ANKRD13B: variants seen among roughly 807,000 people sequenced by gnomAD.
ANKRD13B encodes ankyrin repeat domain 13B.
A neutral mutation model predicts 74.4 loss-of-function variants in ANKRD13B; 33 were observed. The ratio of observed to expected loss-of-function variants is 0.44; its 90% confidence interval spans 0.34 to 0.59. ANKRD13B has a LOEUF of 0.59. ANKRD13B is among the 20% of genes least tolerant of loss of function. The pLI, the probability that ANKRD13B is intolerant of heterozygous loss-of-function variation, is 0.02. For missense variants in ANKRD13B, 676 were observed against 877.9 expected, an observed-to-expected ratio of 0.77 and a Z score of 2.91; for synonymous variants, 341 against 362.9, an observed-to-expected ratio of 0.94 and a Z score of 0.68.
intron 1 of ANKRD13B, among the ~76,000 whole-genome samples, chr17:29,606,514 C>T (rs970364856): frequency 1.3e-4 from 20 of 151,676 alleles, no homozygotes; most frequent in Non-Finnish European, 2.2e-4. Flanking sequence ...GCCAAGATGG[C>T]ACCACTGCAC....
rs1397749335 is a variant in ANKRD13B at position 29,593,627 on chromosome 17, C to T, written c.6C>T (p.Ile2=). The change falls in exon 1 of 15, where the codon ATC becomes ATT. Residue 2 remains isoleucine (I), a synonymous_variant. Coordinates refer to ENST00000394859, the MANE Select transcript of ANKRD13B (RefSeq NM_152345.5). ...CCCGGCATGAGGAGCGGGCGATGAT[C>T]CCCGCCAACGCCTCCGCCAGGAAGG... The part of the protein sequence containing the change: M[I]PANASARKGP... The T allele has an allele frequency of 2.9e-6, 4 of 1,367,422 alleles. No homozygotes were observed. Among genetic ancestry groups the T allele is most frequent in the East Asian group, 6.6e-5 (2 of 30,388 alleles). The allele number at this position is 1,367,422 out of a possible 1,614,324, so 84.7% of individuals were successfully genotyped here.
chr17:29,595,492 GGA>G (rs2033921513), intron 1 of ANKRD13B, among the ~76,000 whole-genome samples: 1 of 152,184 alleles, frequency 6.6e-6, no homozygotes, highest in Non-Finnish European at 1.5e-5. Flanking sequence ...GAATGCCCTG[GGA>G]GAAAAGACTT....
At chr17:29,594,223 C>T (rs2033873170) in intron 1 of ANKRD13B, among the ~76,000 whole-genome samples, 1 of 152,230 alleles carries the variant, frequency 6.6e-6, no homozygotes, top group African/African-American at 2.4e-5. Context: ...AGCTCTCAAA[C>T]TGGGCAGATC....
chr17:29,600,127 C>T (rs939798467), intron 1 of ANKRD13B, among the ~76,000 whole-genome samples: 3 of 152,166 alleles, frequency 2.0e-5, no homozygotes, highest in Non-Finnish European at 2.9e-5. Flanking sequence ...CCGCCCACCT[C>T]GGCCTCCCAA....
At chr17:29,610,064 C>T (rs1208217108) in intron 7 of ANKRD13B, among the ~76,000 whole-genome samples, 1 of 151,844 alleles carries the variant, frequency 6.6e-6, no homozygotes, top group Non-Finnish European at 1.5e-5. Flanking sequence ...TGGTAGCAGG[C>T]GCCTGTAATC....
rs147738152 is a variant in ANKRD13B at position 29,599,858 on chromosome 17, C to G, written c.114+6123C>G. 7.3e-3 allele frequency among the ~76,000 whole-genome samples: 743 copies of G among 101,838 alleles called. 7 individuals are homozygous for G. Among genetic ancestry groups the G allele is most frequent in the African/African-American group, 0.028 (702 of 25,500 alleles). 66.8% of individuals were successfully genotyped at this position (101,838 alleles called of 152,430 possible). A position where few individuals can be genotyped will look rare whatever the true frequency, so the allele number is the denominator to read the frequency against. ...AGAATTTCCTCTGGGTTCTTAGCAT[C>G]TAATTTGTTTTTTTTTTTTTTTTTT... is the stretch of plus-strand genomic sequence containing the variant. On this transcript the variant is annotated intron_variant, in intron 1 of 14. Coordinates refer to ENST00000394859, the MANE Select transcript of ANKRD13B (RefSeq NM_152345.5).
chr17:29,602,657 C>A (rs1315741290), intron 1 of ANKRD13B, among the ~76,000 whole-genome samples: 2 of 152,110 alleles, frequency 1.3e-5, no homozygotes, highest in Non-Finnish European at 2.9e-5. Context: ...CCTGGGTGAT[C>A]CAGGATTATT....
chr17:29,608,271 C>T lies in ANKRD13B; in HGVS notation c.421+31C>T. ...CGGGCTGCAGCAGGTCGCTTCTGGGCTCTCCCACTTTAGGTCCTGCGCTTG... is the reference window on the plus strand; with the variant it reads ...CGGGCTGCAGCAGGTCGCTTCTGGGTTCTCCCACTTTAGGTCCTGCGCTTG... On this transcript the variant is annotated intron_variant, in intron 4 of 14. Transcript: ENST00000394859. The surrounding 1 kb of genome is among the most constrained non-coding windows in gnomAD (Gnocchi z 6.4). 1 of 1,613,708 alleles carries T rather than the reference C, an allele frequency of 6.2e-7. No homozygotes were observed. The highest frequency in any genetic ancestry group is 8.5e-7 in the Non-Finnish European group (1 of 1,179,832).
rs1262905198 is a variant in ANKRD13B, at chr17:29,593,684, C to A, written c.63C>A (p.Leu21=). The A allele has an allele frequency of 2.8e-6, 4 of 1,446,006 alleles. No individual in the cohort carries two copies. The highest frequency in any genetic ancestry group is 3.7e-6 in the Non-Finnish European group (4 of 1,091,230). 89.6% of individuals were successfully genotyped at this position (1,446,006 alleles called of 1,614,324 possible). A position where few individuals can be genotyped will look rare whatever the true frequency, so the allele number is the denominator to read the frequency against. The stretch of plus-strand genomic sequence containing the variant: ...AGGGCAAGTATCCGCTGCACTACCT[C>A]GTGTGGCACAACCGCCACCGCGAGC... The part of the protein sequence containing the change: ...GPEGKYPLHY[L]VWHNRHRELE... The change falls in exon 1 of 15, where the codon CTC becomes CTA. Residue 21 remains leucine, a synonymous_variant. Coordinates refer to ENST00000394859, the MANE Select transcript of ANKRD13B (RefSeq NM_152345.5).
chr17:29,608,956 GGCAGCGAGGGAACC>G lies in ANKRD13B; in HGVS notation c.533_546del (p.Arg178LeufsTer16). 1 of 1,614,150 alleles carries G rather than the reference GGCAGCGAGGGAACC, an allele frequency of 6.2e-7. No homozygotes were observed. Among genetic ancestry groups the G allele is most frequent in the Non-Finnish European group, 8.5e-7 (1 of 1,180,040 alleles). On this transcript the variant is annotated frameshift_variant, in exon 5 of 15. Coordinates refer to ENST00000394859, the MANE Select transcript of ANKRD13B (RefSeq NM_152345.5). LOFTEE classifies it high-confidence loss of function. This position sits in a 1 kb window ranked among gnomAD's most constrained non-coding sequence, Gnocchi z 6.4. ...CTCCTGGGCTTTGACCACATGACCT[GGCAGCGAGGGAACC>G]GCAGCTTTGTCTTCAGGGGCCAAGG...
chr17:29,612,661 G>T lies in ANKRD13B; in HGVS notation c.1421G>T (p.Arg474Leu). Residue 474 changes from arginine to leucine, a missense_variant, in exon 13 of 15, where the codon CGC (arginine) becomes CTC (leucine). Arg to Leu is a moderately radical substitution (Grantham distance 102, BLOSUM62 -2). Coordinates refer to ENST00000394859, the MANE Select transcript of ANKRD13B (RefSeq NM_152345.5). The surrounding 1 kb of genome is among the most constrained non-coding windows in gnomAD (Gnocchi z 6.1). ...GCCCCCGCGCCCCCAGCCTCCTGCC[G>T]CGGCTGCGAGATCTCCCCAGCGTTG... is the stretch of plus-strand genomic sequence containing the variant. ...VSSSSSTTSC[R>L]GCEISPALFE... 1 of 1,553,976 alleles carries T rather than the reference G, an allele frequency of 6.4e-7. No homozygotes were observed. The highest frequency in any genetic ancestry group is 8.6e-7 in the Non-Finnish European group (1 of 1,156,328).
At chr17:29,597,444 G>T (rs1300406465) in intron 1 of ANKRD13B, among the ~76,000 whole-genome samples, 1 of 152,028 alleles carries the variant, frequency 6.6e-6, no homozygotes, top group East Asian at 1.9e-4. Flanking sequence ...TGGTGTGTGT[G>T]CCTGAGTGGA....
chr17:29,593,916 C>T, intron 1 of ANKRD13B, 181 bp downstream of exon 1: 1 of 162,560 alleles, frequency 6.2e-6, no homozygotes, highest in Non-Finnish European at 1.1e-5. Flanking sequence ...CCGGGACGGG[C>T]GGGACCACAC....
chr17:29,600,288 G>A (rs1198502630), intron 1 of ANKRD13B, among the ~76,000 whole-genome samples: 1 of 152,078 alleles, frequency 6.6e-6, no homozygotes, highest in Admixed American at 6.5e-5. Context: ...GGGGAGCTCA[G>A]GGATGTGTGG....
At position 29,605,935 on chromosome 17, in the gene ANKRD13B, G is replaced by A. The variant is rs529945472; in HGVS notation, c.115-1807G>A. On this transcript the variant is annotated intron_variant, in intron 1 of 14. Transcript: ENST00000394859. ...TCACTGTTCCTTTTTTTTTTGAGAC[G>A]GAGTTTTGCTCTTGTCGCCCAGGCT... Among the ~76,000 whole-genome samples the A allele has an allele frequency of 6.6e-5, 10 of 150,954 alleles. No homozygotes were observed. The East Asian group carries it at 7.9e-4, about 12-fold the overall frequency.
At chr17:29,602,413 T>A (rs1279971448) in intron 1 of ANKRD13B, among the ~76,000 whole-genome samples, 4 of 132,956 alleles carry the variant, frequency 3.0e-5, no homozygotes, top group Non-Finnish European at 4.9e-5. Context: ...AAAAAAAAAA[T>A]TTATTCTGTC....
At position 29,611,654 on chromosome 17, in the gene ANKRD13B, G is replaced by A; in HGVS notation, c.969+11G>A. On this transcript the variant is annotated intron_variant, in intron 9 of 14. Transcript: ENST00000394859. This position sits in a 1 kb window ranked among gnomAD's most constrained non-coding sequence, Gnocchi z 4.3. ...GGCCCCCAAAATGGGGTGAGTGTGT[G>A]CAGGGGTACCCGTAAGTGGAGGGAT... is the stretch of plus-strand genomic sequence containing the variant. 1 of 1,613,810 alleles carries A rather than the reference G, an allele frequency of 6.2e-7. No homozygotes were observed. Among genetic ancestry groups the A allele is most frequent in the South Asian group, 1.1e-5 (1 of 91,086 alleles).
Position 29,594,398 on chromosome 17 carries a change from G to A in ANKRD13B, c.114+663G>A, listed in dbSNP as rs141834188. On this transcript the variant is annotated intron_variant, in intron 1 of 14. Transcript: ENST00000394859. ...AGGAAGCTGAGGGGCCCTGGCTGCTGGAAGGACTTGAGGTTCTGCGCACCA... is the reference window on the plus strand; with the variant it reads ...AGGAAGCTGAGGGGCCCTGGCTGCTAGAAGGACTTGAGGTTCTGCGCACCA... Among the ~76,000 whole-genome samples the A allele has an allele frequency of 2.4e-3, 372 of 152,308 alleles. 1 individual carries two copies. The highest frequency in any genetic ancestry group is 8.3e-3 in the African/African-American group (343 of 41,562).
intron 7 of ANKRD13B, among the ~76,000 whole-genome samples, chr17:29,610,051 G>A (rs2034526134): frequency 6.6e-6 from 1 of 152,084 alleles, no homozygotes; most frequent in South Asian, 2.1e-4. Context: ...AATTAGCCGG[G>A]TGTGGTAGCA....
Sources: allele counts gnomAD v4.1 joint callset (sites outside exome capture counted in the v4.1 genomes callset), GRCh38; gene constraint gnomAD v4.1.1; non-coding constraint Gnocchi (gnomAD v3.1); transcripts MANE v1.5; gene names NCBI Gene and HGNC (gene_info 2026-07-23, HGNC 2026-07-21).